The following CADM2 variants were observed in gnomAD, a reference collection of about 807,000 sequenced individuals.
The protein encoded by CADM2 is cell adhesion molecule 2, also known as immunoglobulin superfamily member 4D.
CADM2 carries 12 observed loss-of-function variants against 49.8 expected under a neutral mutation model. That is an observed-to-expected ratio of 0.24 (90% CI 0.15 to 0.39). The LOEUF (loss-of-function observed/expected upper bound fraction) is 0.39, where lower values mean the gene tolerates loss of function less well. Among genes scored for constraint, CADM2 ranks in the 10% least tolerant of loss-of-function variants. CADM2 has a pLI of 1.00. For synonymous variants in CADM2, 214 were observed against 175.4 expected (o/e 1.22, Z -1.74); for missense variants, 378 against 492.3 (o/e 0.77, Z 2.20).
chr3:85,718,768 A>G (rs1040231801), intron 1 of CADM2, among the ~76,000 whole-genome samples: 3 of 151,766 alleles, frequency 2.0e-5, no homozygotes, highest in Admixed American at 2.0e-4. Context: ...AAGTAATTAT[A>G]TAGATTACTG....
intron 7 of CADM2, among the ~76,000 whole-genome samples, chr3:85,944,810 C>G (rs957323000): frequency 6.6e-6 from 1 of 151,238 alleles, no homozygotes; most frequent in African/African-American, 2.4e-5. Context: ...CACTAAAGGC[C>G]CACAAGACAA....
At chr3:85,996,448 C>T (rs918921516) in intron 8 of CADM2, among the ~76,000 whole-genome samples, 10 of 151,782 alleles carry the variant, frequency 6.6e-5, no homozygotes, top group African/African-American at 2.2e-4. Context: ...CAGGCGCATG[C>T]TACCTAGTTG....
chr3:85,041,937 GC>G (rs1406835021), intron 1 of CADM2, among the ~76,000 whole-genome samples: 2 of 152,106 alleles, frequency 1.3e-5, no homozygotes, highest in Admixed American at 1.3e-4. Flanking sequence ...TCTGCTATTT[GC>G]TGTAATAGGC....
intron 1 of CADM2, among the ~76,000 whole-genome samples, chr3:85,306,199 C>A (rs911552231): frequency 9.2e-5 from 14 of 151,478 alleles, no homozygotes; most frequent in African/African-American, 3.4e-4. Context: ...TATAAATAAC[C>A]AGAATGCTTA....
At chr3:84,980,564 G>T (rs989836012) in intron 1 of CADM2, among the ~76,000 whole-genome samples, 1 of 152,122 alleles carries the variant, frequency 6.6e-6, no homozygotes, top group East Asian at 1.9e-4. Context: ...ATAATAATAA[G>T]AAGAGCTACC....
At chr3:85,603,108 A>G (rs1384858879) in intron 1 of CADM2, among the ~76,000 whole-genome samples, 1 of 151,820 alleles carries the variant, frequency 6.6e-6, no homozygotes, top group African/African-American at 2.4e-5. Flanking sequence ...CTTAATGTCA[A>G]GAACAGCATT....
chr3:85,201,026 T>C (rs961612550), intron 1 of CADM2, among the ~76,000 whole-genome samples: 3 of 152,198 alleles, frequency 2.0e-5, no homozygotes, highest in Non-Finnish European at 4.4e-5. Context: ...TGATAAGTAA[T>C]ACATGTTTAT....
rs561712751 is a variant in CADM2 at position 85,893,172 on chromosome 3, A to G, written c.529+6845A>G. On this transcript the variant is annotated intron_variant, in intron 5 of 9. Transcript: ENST00000383699. ...TTCTGAGTGGTAAAACAGTAAAGAG[A>G]AAGCAGAGCATAAAAGTAGGGGAAA... Among the ~76,000 whole-genome samples, 61 of 152,278 alleles carry G rather than the reference A, an allele frequency of 4.0e-4. No homozygotes were observed. The South Asian group carries it at 5.0e-3, about 12-fold the overall frequency.
At chr3:85,579,742 T>C (rs2062740143) in intron 1 of CADM2, among the ~76,000 whole-genome samples, 1 of 152,120 alleles carries the variant, frequency 6.6e-6, no homozygotes, top group Non-Finnish European at 1.5e-5. Flanking sequence ...AGAAAAAATA[T>C]GGGCTCAATA....
intron 5 of CADM2, among the ~76,000 whole-genome samples, chr3:85,905,446 C>A (rs1385688646): frequency 6.6e-6 from 1 of 152,050 alleles, no homozygotes; most frequent in Non-Finnish European, 1.5e-5. Context: ...AACGAATCTA[C>A]TTACTAGAAG....
intron 1 of CADM2, among the ~76,000 whole-genome samples, chr3:85,011,657 G>A (rs2033998057): frequency 6.6e-6 from 1 of 151,862 alleles, no homozygotes; most frequent in Non-Finnish European, 1.5e-5. Context: ...AAACCTTTTG[G>A]GGGCCAACAC....
chr3:85,712,360 T>C (rs974475843), intron 1 of CADM2, among the ~76,000 whole-genome samples: 46 of 152,202 alleles, frequency 3.0e-4, no homozygotes, highest in African/African-American at 1.1e-3. Flanking sequence ...AGTTATGTAG[T>C]TGGTAATTAC....
chr3:85,481,704 A>T (rs1023626395), intron 1 of CADM2, among the ~76,000 whole-genome samples: 10 of 151,772 alleles, frequency 6.6e-5, no homozygotes, highest in Non-Finnish European at 1.0e-4. Flanking sequence ...GCACAATGTC[A>T]GATTCTTTCA....
chr3:85,461,545 GA>G, intron 1 of CADM2, among the ~76,000 whole-genome samples: 1 of 152,224 alleles, frequency 6.6e-6, no homozygotes, highest in African/African-American at 2.4e-5. Context: ...AACTCAGGAG[GA>G]AAAAGTTTCA....
At chr3:85,974,842 C>T (rs1726576848) in intron 8 of CADM2, among the ~76,000 whole-genome samples, 1 of 151,298 alleles carries the variant, frequency 6.6e-6, no homozygotes, top group African/African-American at 2.4e-5. Context: ...ATTGAAATAC[C>T]CCAAAATTTT....
At position 85,576,266 on chromosome 3, in the gene CADM2, A is replaced by C. The variant is rs1005672629; in HGVS notation, c.62-150256A>C. On this transcript the variant is annotated intron_variant, in intron 1 of 9. Coordinates refer to ENST00000383699, the MANE Select transcript of CADM2 (RefSeq NM_001167675.2). ...TTGCCTTGCCTGAAAGAGGTAGGCAAGGCTGCCATCTAGTGGCAGTACCTT... is the reference window on the plus strand; with the variant it reads ...TTGCCTTGCCTGAAAGAGGTAGGCACGGCTGCCATCTAGTGGCAGTACCTT... 3.3e-5 allele frequency among the ~76,000 whole-genome samples: 5 copies of C among 152,320 alleles called. No homozygotes were observed. In the East Asian group the frequency reaches 7.7e-4, roughly 23 times the overall value.
chr3:84,975,333 A>G (rs2031749277), intron 1 of CADM2, among the ~76,000 whole-genome samples: 1 of 151,886 alleles, frequency 6.6e-6, no homozygotes, highest in South Asian at 2.1e-4. Context: ...CTTCTTTCAG[A>G]TACCTTTACA....
At chr3:85,109,662 A>G (rs1352153819) in intron 1 of CADM2, among the ~76,000 whole-genome samples, 1 of 151,958 alleles carries the variant, frequency 6.6e-6, no homozygotes, top group East Asian at 1.9e-4. Context: ...TAGGCTCCAA[A>G]CCTTTTTAAT....
chr3:85,737,401 T>C (rs984231952), intron 2 of CADM2, among the ~76,000 whole-genome samples: 1 of 152,198 alleles, frequency 6.6e-6, no homozygotes, highest in African/African-American at 2.4e-5. Flanking sequence ...AAATTGTATA[T>C]TCTAGTTGTT....
Sources: allele counts gnomAD v4.1 joint callset (sites outside exome capture counted in the v4.1 genomes callset), GRCh38; gene constraint gnomAD v4.1.1; transcripts MANE v1.5; gene names NCBI Gene and HGNC (gene_info 2026-07-23, HGNC 2026-07-21).